Variants in MPRIP observed in about 807,000 individuals in gnomAD.
The protein encoded by MPRIP is myosin phosphatase Rho-interacting protein.
A neutral mutation model predicts 234.9 loss-of-function variants in MPRIP; 59 were observed. That is an observed-to-expected ratio of 0.25 (90% CI 0.20 to 0.31). The LOEUF (loss-of-function observed/expected upper bound fraction) is 0.31. MPRIP is among the 10% of genes least tolerant of loss of function. MPRIP has a pLI of 1.00. For synonymous variants in MPRIP, 1,144 were observed against 1,263.9 expected (o/e 0.91, Z 2.01); for missense variants, 2,436 against 3,071.0 (o/e 0.79, Z 4.89).
intron 11 of MPRIP, 26 bp from the exon 12 acceptor site, chr17:17,150,118 C>G (rs374703102): frequency 4.4e-6 from 7 of 1,588,858 alleles, no homozygotes; most frequent in Non-Finnish European, 5.2e-6. Flanking sequence ...CTAAAAATCT[C>G]AAGACATTCT....
intron 1 of MPRIP, among the ~76,000 whole-genome samples, chr17:17,065,572 A>C (rs967969138): frequency 7.9e-5 from 12 of 152,176 alleles, no homozygotes; most frequent in Non-Finnish European, 1.6e-4. Context: ...AGTCTTCATT[A>C]CTGTGGATAT....
In MPRIP at chr17:17,187,092, C is replaced by T. The variant is rs1459545625; in HGVS notation, c.*2198C>T. 1 of 152,348 alleles carries T rather than the reference C, an allele frequency of 6.6e-6. No individual in the cohort carries two copies. Among genetic ancestry groups the T allele is most frequent in the Non-Finnish European group, 1.5e-5 (1 of 68,128 alleles). The allele number at this position is 152,348 out of a possible 1,614,324, so 9.4% of individuals were successfully genotyped here. A position where few individuals can be genotyped will look rare whatever the true frequency, so the allele number is the denominator to read the frequency against. On this transcript the variant is annotated 3_prime_UTR_variant, in exon 24 of 24. Transcript: ENST00000651222. ...TGCAGACAGCTCCCTGCCTTCTGCC[C>T]TCCAGGGGGTTCTGGCCAGAGTCCA...
intron 3 of MPRIP, among the ~76,000 whole-genome samples, chr17:17,118,917 CT>C (rs1360472073): frequency 2.0e-5 from 3 of 152,130 alleles, no homozygotes; most frequent in Non-Finnish European, 2.9e-5. Context: ...ACTTGATGGC[CT>C]TTGGGGTAGT....
intron 13 of MPRIP, among the ~76,000 whole-genome samples, chr17:17,155,928 A>G (rs977240259): frequency 1.3e-5 from 2 of 152,234 alleles, no homozygotes; most frequent in African/African-American, 2.4e-5. Context: ...TTGACAAGCT[A>G]AGTGCTCTTT....
At position 17,180,559 on chromosome 17, in the gene MPRIP, G is replaced by T. The variant is rs1444431999; in HGVS notation, c.7206+471G>T. 2.6e-6 allele frequency: 4 copies of T among 1,556,476 alleles called. No homozygotes were observed. The Admixed American group carries it at 6.7e-5, about 26-fold the overall frequency. ...GGCGGAGGTGGGAGCGGCACCGCGTGTGTTTGGGATTGGTTGTGTGTCTCA... is the reference window on the plus strand; with the variant it reads ...GGCGGAGGTGGGAGCGGCACCGCGTTTGTTTGGGATTGGTTGTGTGTCTCA... On this transcript the variant is annotated intron_variant, in intron 23 of 23. Coordinates refer to ENST00000651222, the MANE Select transcript of MPRIP (RefSeq NM_001364716.4).
At position 17,164,874 on chromosome 17, in the gene MPRIP, A is replaced by C; in HGVS notation, c.3283A>C (p.Arg1095=). The C allele has an allele frequency of 1.5e-6, 2 of 1,303,824 alleles. No homozygotes were observed. The highest frequency in any genetic ancestry group is 2.0e-6 in the Non-Finnish European group (2 of 988,754). The allele number at this position is 1,303,824 out of a possible 1,614,324, so 80.8% of individuals were successfully genotyped here. A position where few individuals can be genotyped will look rare whatever the true frequency, so the allele number is the denominator to read the frequency against. ...GGAGGCACGAGAGGCCAGCGTGCGC[A>C]GGCTCGCAGAGCACGTGCAGAGCCT... ...QLEAREASVR[R]LAEHVQSLCD... The change falls in exon 16 of 24, where the codon AGG becomes CGG. Residue 1095 remains arginine (R), a synonymous_variant. Coordinates refer to ENST00000651222, the MANE Select transcript of MPRIP (RefSeq NM_001364716.4).
intron 1 of MPRIP, among the ~76,000 whole-genome samples, chr17:17,074,928 A>G (rs1030568353): frequency 6.6e-6 from 1 of 152,162 alleles, no homozygotes; most frequent in Non-Finnish European, 1.5e-5. Context: ...GCAGGTGTGA[A>G]TAATACTGCT....
At chr17:17,104,283 G>A (rs1045061428) in intron 3 of MPRIP, among the ~76,000 whole-genome samples, 2 of 152,228 alleles carry the variant, frequency 1.3e-5, no homozygotes, top group Non-Finnish European at 2.9e-5. Context: ...ATGTGTGGAC[G>A]TGAGTGTCTG....
At chr17:17,104,907 G>A (rs1249517687) in intron 3 of MPRIP, among the ~76,000 whole-genome samples, 1 of 152,118 alleles carries the variant, frequency 6.6e-6, no homozygotes, top group Non-Finnish European at 1.5e-5. Flanking sequence ...ACTTGTTCAG[G>A]TTTCTCTGTT....
chr17:17,058,371 G>A (rs955799489), intron 1 of MPRIP, among the ~76,000 whole-genome samples: 1 of 146,996 alleles, frequency 6.8e-6, no homozygotes, highest in Non-Finnish European at 1.5e-5. Flanking sequence ...ACTATTAGGA[G>A]TAGGGACCCC....
chr17:17,142,885 A>C, intron 8 of MPRIP, 120 bp downstream of exon 8: 3 of 1,139,498 alleles, frequency 2.6e-6, no homozygotes, highest in Non-Finnish European at 1.2e-6. Flanking sequence ...CTTCTCTCCA[A>C]CCACCTCCTC....
intron 3 of MPRIP, among the ~76,000 whole-genome samples, chr17:17,081,422 G>A (rs1003912700): frequency 2.0e-5 from 3 of 152,236 alleles, no homozygotes; most frequent in Admixed American, 1.3e-4. Context: ...GACAGGGCGG[G>A]TAGGAAAAGA....
intron 1 of MPRIP, among the ~76,000 whole-genome samples, chr17:17,067,417 G>A (rs2089066127): frequency 6.6e-6 from 1 of 152,168 alleles, no homozygotes; most frequent in Non-Finnish European, 1.5e-5. Flanking sequence ...GTGACTAAGG[G>A]GCAGGTAGAG....
At chr17:17,141,014 C>G (rs909815074) in intron 7 of MPRIP, among the ~76,000 whole-genome samples, 8 of 152,156 alleles carry the variant, frequency 5.3e-5, no homozygotes, top group African/African-American at 1.9e-4. Context: ...GTGTGCGAGC[C>G]TGTGGTCTTA....
chr17:17,075,305 T>A (rs2089302061), intron 1 of MPRIP, among the ~76,000 whole-genome samples: 1 of 152,200 alleles, frequency 6.6e-6, no homozygotes, highest in African/African-American at 2.4e-5. Context: ...AGGCCCTGTT[T>A]TGTATCTTCA....
intron 8 of MPRIP, 102 bp from the exon 9 acceptor site, chr17:17,143,454 C>A: frequency 1.4e-6 from 1 of 690,364 alleles, no homozygotes; most frequent in African/African-American, 1.9e-5. Flanking sequence ...TCGCCAGGAG[C>A]AAGGCCCTGG....
intron 1 of MPRIP, among the ~76,000 whole-genome samples, chr17:17,049,382 ACCTATCACAAAGTC>A (rs373900955): frequency 3.6e-3 from 550 of 152,346 alleles, no homozygotes; most frequent in African/African-American, 0.012. Flanking sequence ...AACCCATCAG[ACCTATCACAAAGTC>A]AAAATTATAA....
intron 15 of MPRIP, among the ~76,000 whole-genome samples, chr17:17,162,673 G>C (rs533346856): frequency 3.3e-5 from 5 of 152,150 alleles, no homozygotes; most frequent in Non-Finnish European, 5.9e-5. Context: ...ATAAGAACTG[G>C]CTTCAAATCA....
intron 6 of MPRIP, among the ~76,000 whole-genome samples, chr17:17,137,434 A>G (rs2090724198): frequency 6.6e-6 from 1 of 150,978 alleles, no homozygotes; most frequent in South Asian, 2.1e-4. Flanking sequence ...GAATCACTTG[A>G]GCCCAGGAGG....
Sources: gnomAD v4.1 joint callset for allele counts (sites outside exome capture counted in the v4.1 genomes callset) on GRCh38, gnomAD v4.1.1 for gene constraint, MANE v1.5 for transcripts, NCBI Gene and HGNC (gene_info 2026-07-23, HGNC 2026-07-21) for gene names.